The following RSU1 variants were observed in gnomAD, a reference collection of about 807,000 sequenced individuals.
RSU1 encodes Ras suppressor protein 1, also known as rsu-1.
Under a neutral mutation model 31.1 loss-of-function variants are expected in RSU1, and 26 were observed. That is an observed-to-expected ratio of 0.84 (90% CI 0.61 to 1.16). The LOEUF is 1.16. Ranked by LOEUF, RSU1 falls within the 50% of genes most tolerant of loss-of-function variation. The probability of loss-of-function intolerance (pLI) is 0.00; values close to 1 mark genes in which losing one functional copy is unlikely to be tolerated. For missense variants in RSU1, 320 were observed against 339.1 expected (o/e 0.94, Z 0.44); for synonymous variants, 164 against 136.3 (o/e 1.20, Z -1.41).
Position 16,752,546 on chromosome 10 carries a change from TG to T in RSU1, c.590del (p.Pro197GlnfsTer3). ...ATTCATCAGCAACCTTACCTAGTTC[TG>T]GGGGCAGAACGGTGAGGCGGTTCCC... Reference protein sequence around the residue: ...IQGNRLTVLPPELGNLDLTGQ... With the variant: ...IQGNRLTVLPXELGNLDLTGQ... On this transcript the variant is annotated frameshift_variant, in exon 7 of 9. Coordinates refer to ENST00000345264, the MANE Select transcript of RSU1 (RefSeq NM_012425.4). LOFTEE classifies it high-confidence loss of function. The T allele has an allele frequency of 6.2e-7, 1 of 1,613,282 alleles. No individual in the cohort carries two copies. The highest frequency in any genetic ancestry group is 1.1e-5 in the South Asian group (1 of 91,056).
At chr10:16,622,499 T>A (rs1471198444) in intron 8 of RSU1, among the ~76,000 whole-genome samples, 2 of 152,166 alleles carry the variant, frequency 1.3e-5, no homozygotes, top group South Asian at 2.1e-4. Flanking sequence ...TTTCTCTGGA[T>A]ATGTGATTTT....
In RSU1 at chr10:16,754,968, C is replaced by A; in HGVS notation, c.303G>T (p.Leu101Phe). Residue 101 changes from leucine (L) to phenylalanine (F), a missense_variant, in exon 5 of 9, where the codon TTG (leucine) becomes TTT (phenylalanine). Coordinates refer to ENST00000345264, the MANE Select transcript of RSU1 (RefSeq NM_012425.4). ...LNLGMNRLNT[L>F]PRGFGSLPAL... ...CTGGCAGGGAGCCGAAGCCTCGTGGCAAAGTGTTCAGCCTGTTCATGCTGT... is the reference window on the plus strand; with the variant it reads ...CTGGCAGGGAGCCGAAGCCTCGTGGAAAAGTGTTCAGCCTGTTCATGCTGT... 6.2e-7 allele frequency: 1 copy of A among 1,613,248 alleles called. No homozygotes were observed. The highest frequency in any genetic ancestry group is 8.5e-7 in the Non-Finnish European group (1 of 1,179,698).
intron 7 of RSU1, among the ~76,000 whole-genome samples, chr10:16,730,973 G>A (rs924309606): frequency 7.2e-5 from 11 of 152,010 alleles, no homozygotes; most frequent in East Asian, 3.9e-4. Context: ...ATAGATGCCC[G>A]CCACCACGCC....
chr10:16,702,232 A>G (rs1835806794), intron 7 of RSU1, among the ~76,000 whole-genome samples: 1 of 152,228 alleles, frequency 6.6e-6, no homozygotes, highest in African/African-American at 2.4e-5. Flanking sequence ...CAGAGCCCTC[A>G]TGGAGAACCT....
At chr10:16,652,035 T>C (rs1834692942) in intron 8 of RSU1, among the ~76,000 whole-genome samples, 1 of 152,192 alleles carries the variant, frequency 6.6e-6, no homozygotes, top group Non-Finnish European at 1.5e-5. Context: ...AGCACATTTA[T>C]GTACGCAAAA....
At chr10:16,618,888 A>C (rs1289395642) in intron 8 of RSU1, among the ~76,000 whole-genome samples, 1 of 152,168 alleles carries the variant, frequency 6.6e-6, no homozygotes, top group Admixed American at 6.6e-5. Flanking sequence ...GTGGGGCTTA[A>C]AACCTAGATG....
chr10:16,755,578 C>G (rs1837068304), intron 4 of RSU1, among the ~76,000 whole-genome samples: 1 of 151,616 alleles, frequency 6.6e-6, no homozygotes, highest in South Asian at 2.1e-4. Context: ...GCCTCATATG[C>G]TTGTCATTTT....
At chr10:16,600,759 C>A (rs1287942201) in intron 8 of RSU1, among the ~76,000 whole-genome samples, 2 of 152,050 alleles carry the variant, frequency 1.3e-5, no homozygotes, top group Non-Finnish European at 2.9e-5. Context: ...GATGGGGTCT[C>A]ACTATGTTGC....
chr10:16,723,344 A>G (rs901887376), intron 7 of RSU1: 1 of 152,296 alleles, frequency 6.6e-6, no homozygotes, highest in African/African-American at 2.4e-5. Context: ...ACCTGTGTCT[A>G]TTTTTAAAGA....
intron 7 of RSU1, among the ~76,000 whole-genome samples, chr10:16,740,629 T>C (rs1166524007): frequency 2.6e-5 from 4 of 152,246 alleles, no homozygotes; most frequent in African/African-American, 4.8e-5. Context: ...GGTTGTAAAA[T>C]ATAAAATCAA....
At chr10:16,704,228 T>C (rs1273136019) in intron 7 of RSU1, among the ~76,000 whole-genome samples, 2 of 152,204 alleles carry the variant, frequency 1.3e-5, no homozygotes, top group African/African-American at 4.8e-5. Context: ...TGGAGAATCA[T>C]CATTATCATA....
chr10:16,779,702 G>T (rs1036311408), intron 3 of RSU1, among the ~76,000 whole-genome samples: 3 of 152,202 alleles, frequency 2.0e-5, no homozygotes, highest in Non-Finnish European at 4.4e-5. Context: ...AAAAACAACA[G>T]AAAGTGAAAG....
At chr10:16,707,097 A>T (rs998501302) in intron 7 of RSU1, among the ~76,000 whole-genome samples, 5 of 152,224 alleles carry the variant, frequency 3.3e-5, no homozygotes, top group Admixed American at 2.0e-4. Flanking sequence ...TCATGGCTGA[A>T]TAATATTCCA....
intron 8 of RSU1, among the ~76,000 whole-genome samples, chr10:16,671,657 C>A (rs1401975010): frequency 6.6e-6 from 1 of 151,876 alleles, no homozygotes; most frequent in Non-Finnish European, 1.5e-5. Context: ...GATGGAGTCT[C>A]ACTCTGTTGC....
At chr10:16,656,889 G>A (rs890600263) in intron 8 of RSU1, among the ~76,000 whole-genome samples, 1 of 152,144 alleles carries the variant, frequency 6.6e-6, no homozygotes, top group African/African-American at 2.4e-5. Flanking sequence ...GTAATGAGCA[G>A]GAACAAAATG....
chr10:16,660,798 C>T (rs917842906), intron 8 of RSU1, among the ~76,000 whole-genome samples: 1 of 151,928 alleles, frequency 6.6e-6, no homozygotes, highest in Admixed American at 6.6e-5. Flanking sequence ...AGGCACGTAC[C>T]ACTACGCCCA....
intron 2 of RSU1, among the ~76,000 whole-genome samples, chr10:16,794,032 C>G (rs1837978725): frequency 2.0e-5 from 3 of 152,098 alleles, no homozygotes; most frequent in South Asian, 4.1e-4. Flanking sequence ...AGGGAGAATT[C>G]ATGAAGATCC....
intron 8 of RSU1, among the ~76,000 whole-genome samples, chr10:16,682,167 T>C (rs1345542590): frequency 6.6e-6 from 1 of 152,100 alleles, no homozygotes; most frequent in Non-Finnish European, 1.5e-5. Flanking sequence ...AGTCCCAAGA[T>C]GGGACAGGGA....
chr10:16,703,964 T>A (rs949316804), intron 7 of RSU1, among the ~76,000 whole-genome samples: 22 of 149,150 alleles, frequency 1.5e-4, no homozygotes, highest in African/African-American at 5.1e-4. Context: ...CTTTCAGAGT[T>A]TTTAGTTTCA....
Sources: gnomAD v4.1 joint callset for allele counts (sites outside exome capture counted in the v4.1 genomes callset) on GRCh38, gnomAD v4.1.1 for gene constraint, MANE v1.5 for transcripts, NCBI Gene and HGNC (gene_info 2026-07-23, HGNC 2026-07-21) for gene names.